The following ZNF385C variants were observed in gnomAD, a reference collection of about 807,000 sequenced individuals.
ZNF385C encodes zinc finger protein 385C.
ZNF385C carries 28 observed loss-of-function variants against 35.4 expected under a neutral mutation model. The ratio of observed to expected loss-of-function variants is 0.79; its 90% CI spans 0.59 to 1.08. The LOEUF is 1.08. ZNF385C is among the 50% of genes least tolerant of loss of function. The pLI is 0.00. For synonymous variants in ZNF385C, 248 were observed against 248.2 expected (o/e 1.00, Z 0.01); for missense variants, 605 against 595.6 (o/e 1.02, Z -0.16).
chr17:42,083,707 CTTTTTTT>C (rs59612634), intron 1 of ZNF385C, among the ~76,000 whole-genome samples: 144 of 49,932 alleles, frequency 2.9e-3, no homozygotes, highest in Middle Eastern at 0.019. Flanking sequence ...CTTTTCAAGT[CTTTTTTT>C]TTTTTTTTTT....
chr17:42,084,030 C>T (rs958678602), intron 1 of ZNF385C, among the ~76,000 whole-genome samples: 1 of 151,938 alleles, frequency 6.6e-6, no homozygotes, highest in African/African-American at 2.4e-5. Context: ...CTTTTAAAGC[C>T]GTTTATCACT....
chr17:42,034,118 GC>G, intron 4 of ZNF385C, 106 bp downstream of exon 4: 1 of 885,516 alleles, frequency 1.1e-6, no homozygotes, highest in Non-Finnish European at 1.8e-6. Flanking sequence ...ACCGACCACA[GC>G]CCCTTTGCCA....
rs76470492 is a variant in ZNF385C at position 42,062,681 on chromosome 17, T to C, written c.250+126A>G. 1,888 of 421,094 alleles carry C rather than the reference T, an allele frequency of 4.5e-3. 9 individuals are homozygous for C. The highest frequency in any genetic ancestry group is 5.5e-3 in the Non-Finnish European group (1,315 of 239,116). 26.1% of individuals were successfully genotyped at this position (421,094 alleles called of 1,614,324 possible). On this transcript the variant is annotated intron_variant, in intron 2 of 8. Coordinates refer to ENST00000692273, the MANE Select transcript of ZNF385C (RefSeq NM_001392013.1). ...GGAGGCTTCAGACCCTAAGACCCCA[T>C]TGAGGGCACCCCAGACGCAAAGACC...
intron 1 of ZNF385C, among the ~76,000 whole-genome samples, chr17:42,075,649 C>T (rs1485940301): frequency 2.6e-5 from 4 of 152,070 alleles, no homozygotes; most frequent in African/African-American, 9.7e-5. Context: ...CGCCCACCAC[C>T]ACGCCCAGCT....
rs557602584 is a variant in ZNF385C at position 42,043,036 on chromosome 17, G to A, written c.251-5151C>T. On this transcript the variant is annotated intron_variant, in intron 2 of 8. Transcript: ENST00000692273. Reference sequence around the variant, plus strand: ...CACCTTGACGCCCCTGGAGGCAGGGGTCGTAGCCAGGCCTGGGCAGGCCCC... The same window carrying A: ...CACCTTGACGCCCCTGGAGGCAGGGATCGTAGCCAGGCCTGGGCAGGCCCC... 6.7e-5 allele frequency: 83 copies of A among 1,232,300 alleles called. No individual in the cohort carries two copies. In the East Asian group the frequency reaches 2.5e-3, roughly 37 times the overall value. The allele number at this position is 1,232,300 out of a possible 1,614,324, so 76.3% of individuals were successfully genotyped here.
intron 1 of ZNF385C, among the ~76,000 whole-genome samples, chr17:42,089,640 A>ATTTT (rs2053844483): frequency 6.6e-6 from 1 of 152,152 alleles, no homozygotes; most frequent in South Asian, 2.1e-4. Flanking sequence ...TTGACCACGA[A>ATTTT]TCTTTTTTTT....
intron 1 of ZNF385C, among the ~76,000 whole-genome samples, chr17:42,070,784 T>C (rs1567994044): frequency 6.6e-6 from 1 of 152,150 alleles, no homozygotes; most frequent in Non-Finnish European, 1.5e-5. Context: ...GAGAAGCACC[T>C]GGAAGAAGAG....
intron 3 of ZNF385C, among the ~76,000 whole-genome samples, chr17:42,037,193 C>T (rs1043470138): frequency 2.6e-5 from 4 of 152,116 alleles, no homozygotes; most frequent in African/African-American, 7.2e-5. Context: ...GGCAGATACA[C>T]GCCAAACACA....
chr17:42,056,627 T>C (rs996708786), intron 2 of ZNF385C, among the ~76,000 whole-genome samples: 2 of 152,112 alleles, frequency 1.3e-5, no homozygotes, highest in African/African-American at 2.4e-5. Flanking sequence ...CCAAATCTCA[T>C]CTTGAATTGT....
At chr17:42,084,680 G>A (rs180839415) in intron 1 of ZNF385C, among the ~76,000 whole-genome samples, 114 of 151,986 alleles carry the variant, frequency 7.5e-4, no homozygotes, top group Middle Eastern at 3.4e-3. Context: ...GTATGATCAC[G>A]GCTCACTGCA....
At position 42,031,667 on chromosome 17, in the gene ZNF385C, G is replaced by A. The variant is rs1478155742; in HGVS notation, c.628C>T (p.Pro210Ser). 21 of 1,550,510 alleles carry A rather than the reference G, an allele frequency of 1.4e-5. No homozygotes were observed. The highest frequency in any genetic ancestry group is 1.5e-5 in the Non-Finnish European group (17 of 1,146,998). ...GCTCCACTGGCCAGCGTTGGGATTG[G>A]GGACACTACAGCCCCATCCTGGGCC... is the stretch of plus-strand genomic sequence containing the variant. ...TQAQDGAVVS[P>S]IPTLASGAPG... The change falls in exon 5 of 9, where the codon CCA (proline) becomes TCA (serine). Residue 210 changes from proline to serine, a missense_variant. Pro to Ser is a moderately conservative substitution (Grantham distance 74). Coordinates refer to ENST00000692273, the MANE Select transcript of ZNF385C (RefSeq NM_001392013.1).
intron 1 of ZNF385C, among the ~76,000 whole-genome samples, chr17:42,072,644 C>G (rs1298615681): frequency 6.6e-6 from 1 of 152,060 alleles, no homozygotes; most frequent in East Asian, 1.9e-4. Context: ...CTCCCGGCCC[C>G]GCGCTCTCCC....
At position 42,063,017 on chromosome 17, in the gene ZNF385C, CCTT is replaced by C. The variant is rs1567992475; in HGVS notation, c.37_39del (p.Lys13del). On this transcript the variant is annotated inframe_deletion, in exon 2 of 9. Transcript: ENST00000692273. ...TCAGCAGCTCCAGATATGGGGGTCT[CCTT>C]CTCAGCCGGTGGGGGTGGGCTCAGT... The C allele has an allele frequency of 1.5e-6, 1 of 678,108 alleles. No individual in the cohort carries two copies. Among genetic ancestry groups the C allele is most frequent in the Non-Finnish European group, 2.7e-6 (1 of 374,446 alleles). The allele number at this position is 678,108 out of a possible 1,614,324, so 42.0% of individuals were successfully genotyped here. A position where few individuals can be genotyped will look rare whatever the true frequency, so the allele number is the denominator to read the frequency against.
At chr17:42,043,351 G>T in intron 2 of ZNF385C, 1 of 1,232,220 alleles carries the variant, frequency 8.1e-7, no homozygotes, top group Non-Finnish European at 1.0e-6. Flanking sequence ...GGCCTCTCCC[G>T]CTGGTTTCTT....
intron 2 of ZNF385C, among the ~76,000 whole-genome samples, chr17:42,058,695 G>A (rs570484707): frequency 9.2e-5 from 14 of 152,226 alleles, no homozygotes; most frequent in Middle Eastern, 3.4e-3. Context: ...AGTCTCTATC[G>A]CCCAGGCTAG....
At position 42,026,805 on chromosome 17, in the gene ZNF385C, G is replaced by C. The variant is rs1253806582; in HGVS notation, c.*92C>G. The C allele has an allele frequency of 3.9e-6, 5 of 1,267,430 alleles. No homozygotes were observed. The African/African-American group carries it at 7.4e-5, about 19-fold the overall frequency. 78.5% of individuals were successfully genotyped at this position (1,267,430 alleles called of 1,614,324 possible). A position where few individuals can be genotyped will look rare whatever the true frequency, so the allele number is the denominator to read the frequency against. ...GGCAGGACCCCTGAAGCTGTTCACA[G>C]TCCCTGTGGCATGTAGGAAACCAAG... On this transcript the variant is annotated 3_prime_UTR_variant, in exon 9 of 9. Transcript: ENST00000692273.
At chr17:42,027,311 G>A (rs1380555150) in intron 8 of ZNF385C, among the ~76,000 whole-genome samples, 178 bp from the exon 9 acceptor site, 1 of 151,780 alleles carries the variant, frequency 6.6e-6, no homozygotes, top group Non-Finnish European at 1.5e-5. Context: ...TCCACCACCT[G>A]TCTTCCTGTC....
At chr17:42,083,649 A>G (rs1371223234) in intron 1 of ZNF385C, among the ~76,000 whole-genome samples, 1 of 151,242 alleles carries the variant, frequency 6.6e-6, no homozygotes, top group East Asian at 1.9e-4. Flanking sequence ...AAAAAAACTA[A>G]ACTTTAAAAG....
chr17:42,056,798 T>A (rs1373667773), intron 2 of ZNF385C, among the ~76,000 whole-genome samples: 1 of 152,160 alleles, frequency 6.6e-6, no homozygotes, highest in African/African-American at 2.4e-5. Context: ...TTCTTTTGTC[T>A]GCCACCATGT....
Sources: gnomAD v4.1 joint callset for allele counts (sites outside exome capture counted in the v4.1 genomes callset) on GRCh38, gnomAD v4.1.1 for gene constraint, MANE v1.5 for transcripts, NCBI Gene and HGNC (gene_info 2026-07-23, HGNC 2026-07-21) for gene names.